Variants in KLHL5 observed in about 807,000 individuals in gnomAD.
The protein encoded by KLHL5 is kelch-like protein 5.
A neutral mutation model predicts 77.7 loss-of-function variants in KLHL5; 48 were observed. The observed-to-expected ratio is 0.62, with a 90% CI of 0.49 to 0.79. The LOEUF is 0.79. Ranked by LOEUF, KLHL5 falls within the 30% of genes least tolerant of loss-of-function variation. KLHL5 has a pLI of 0.00. For synonymous variants in KLHL5, 260 were observed against 297.0 expected (o/e 0.88, Z 1.28); for missense variants, 723 against 859.7 (o/e 0.84, Z 1.99).
At chr4:39,093,439 A>G (rs1720773352) in intron 5 of KLHL5, 2 of 455,992 alleles carry the variant, frequency 4.4e-6, no homozygotes, top group Non-Finnish European at 8.8e-6. Flanking sequence ...CAACTTGGTA[A>G]TTTACTACAA....
chr4:39,090,945 GAC>G (rs1720480039), intron 5 of KLHL5, among the ~76,000 whole-genome samples: 1 of 150,620 alleles, frequency 6.6e-6, no homozygotes, highest in South Asian at 2.1e-4. Context: ...TGGAACTACA[GAC>G]ACACACCACC....
chr4:39,080,523 C>G (rs1249513813), intron 2 of KLHL5, among the ~76,000 whole-genome samples: 1 of 129,650 alleles, frequency 7.7e-6, no homozygotes, highest in Non-Finnish European at 1.7e-5. Flanking sequence ...GAGACTGTCT[C>G]AAAAAAAAAA....
intron 1 of KLHL5, among the ~76,000 whole-genome samples, chr4:39,064,125 T>C (rs1201599736): frequency 6.6e-6 from 1 of 152,148 alleles, no homozygotes; most frequent in Admixed American, 6.5e-5. Flanking sequence ...AAGTGTCTCT[T>C]ACTTGAGGAT....
chr4:39,056,744 C>T (rs1560404172), intron 1 of KLHL5, among the ~76,000 whole-genome samples: 1 of 152,126 alleles, frequency 6.6e-6, no homozygotes, highest in Admixed American at 6.5e-5. Context: ...TGTCTAAAGC[C>T]TCACTCAATC....
chr4:39,058,502 A>C (rs1717155620), upstream of KLHL5, among the ~76,000 whole-genome samples: 3 of 151,988 alleles, frequency 2.0e-5, no homozygotes, highest in Admixed American at 6.6e-5. Flanking sequence ...CTGTAGTCCC[A>C]GTTACCTGGG....
intron 1 of KLHL5, among the ~76,000 whole-genome samples, chr4:39,049,433 C>A (rs987749195): frequency 3.9e-5 from 6 of 152,140 alleles, no homozygotes; most frequent in Admixed American, 6.6e-5. Flanking sequence ...ACTGTGCAGT[C>A]CCAGCACTTT....
intron 1 of KLHL5, among the ~76,000 whole-genome samples, chr4:39,074,331 ACTT>A (rs1718796994): frequency 6.6e-6 from 1 of 152,242 alleles, no homozygotes; most frequent in Non-Finnish European, 1.5e-5. Flanking sequence ...GGCACTGTTA[ACTT>A]CTAAAACAGA....
intron 5 of KLHL5, among the ~76,000 whole-genome samples, chr4:39,089,029 T>C (rs1053227078): frequency 6.6e-6 from 1 of 152,168 alleles, no homozygotes; most frequent in Non-Finnish European, 1.5e-5. Flanking sequence ...TTAATAGGAA[T>C]TTTATTTCAG....
At chr4:39,056,568 T>G (rs959906341) in intron 1 of KLHL5, among the ~76,000 whole-genome samples, 3 of 152,238 alleles carry the variant, frequency 2.0e-5, no homozygotes, top group African/African-American at 7.2e-5. Flanking sequence ...GCCATGTGTT[T>G]GTGGTATCGA....
chr4:39,122,477 C>T lies in KLHL5; in HGVS notation c.*1411C>T, dbSNP rs1310426151. 6.6e-6 allele frequency among the ~76,000 whole-genome samples: 1 copy of T among 152,048 alleles called. No individual in the cohort carries two copies. The highest frequency in any genetic ancestry group is 1.5e-5 in the Non-Finnish European group (1 of 68,010). Reference sequence around the variant, plus strand: ...TACAAAGACCTTCTCACTCAGCAGTCTTCACTCTTACTATTCCTGCCACTA... The same window carrying T: ...TACAAAGACCTTCTCACTCAGCAGTTTTCACTCTTACTATTCCTGCCACTA... On this transcript the variant is annotated 3_prime_UTR_variant, in exon 11 of 11. Transcript: ENST00000504108.
intron 1 of KLHL5, among the ~76,000 whole-genome samples, chr4:39,069,457 TATATATATATATATATACACAC>T (rs1408893985): frequency 0.025 from 983 of 39,308 alleles, 13 homozygotes; most frequent in African/African-American, 0.069. Context: ...TATATATATA[TATATATATATATATATACACAC>T]ACACACACAC....
At chr4:39,073,973 T>G (rs1157135678) in intron 1 of KLHL5, among the ~76,000 whole-genome samples, 1 of 152,052 alleles carries the variant, frequency 6.6e-6, no homozygotes, top group Admixed American at 6.6e-5. Flanking sequence ...TTATTATTCA[T>G]CAAAACCACC....
the KLHL5 span, among the ~76,000 whole-genome samples, chr4:39,135,802 G>A: frequency 2.0e-5 from 3 of 152,116 alleles, no homozygotes; most frequent in African/African-American, 7.2e-5. Context: ...TACTTGGGAG[G>A]CTGAGGCAGG....
At chr4:39,136,047 C>T in the KLHL5 span, among the ~76,000 whole-genome samples, 1 of 144,970 alleles carries the variant, frequency 6.9e-6, no homozygotes, top group African/African-American at 2.6e-5. Flanking sequence ...TGTGAGATCG[C>T]CACTATGTTC....
rs1054568271 is a variant in KLHL5 at position 39,121,305 on chromosome 4, G to A, written c.*239G>A. 22 of 533,908 alleles carry A rather than the reference G, an allele frequency of 4.1e-5. 1 individual carries two copies. The highest frequency in any genetic ancestry group is 1.7e-4 in the African/African-American group (9 of 52,682). The allele number at this position is 533,908 out of a possible 1,614,324, so 33.1% of individuals were successfully genotyped here. ...TGGTGGATTGTGATCACACATTCCC[G>A]AAGTAATAAGTGAGGACGAATGCAC... is the stretch of plus-strand genomic sequence containing the variant. On this transcript the variant is annotated 3_prime_UTR_variant, in exon 11 of 11. Coordinates refer to ENST00000504108, the MANE Select transcript of KLHL5 (RefSeq NM_015990.5).
chr4:39,102,359 A>G (rs1332604533), intron 6 of KLHL5, among the ~76,000 whole-genome samples: 3 of 149,936 alleles, frequency 2.0e-5, no homozygotes, highest in Non-Finnish European at 4.4e-5. Context: ...AAGAGAACAA[A>G]GGAGTCCTGG....
At chr4:39,142,836 A>T in the KLHL5 span, among the ~76,000 whole-genome samples, 1 of 152,206 alleles carries the variant, frequency 6.6e-6, no homozygotes, top group East Asian at 1.9e-4. Flanking sequence ...ACATAGTTCT[A>T]TTTATGTAAC....
the KLHL5 span, among the ~76,000 whole-genome samples, chr4:39,136,951 G>A: frequency 6.6e-6 from 1 of 152,148 alleles, no homozygotes; most frequent in Non-Finnish European, 1.5e-5. Flanking sequence ...GGCCGGAGTG[G>A]GTGTGGTAGC....
chr4:39,129,895 A>G (rs1449746729), downstream of KLHL5, among the ~76,000 whole-genome samples: 1 of 152,182 alleles, frequency 6.6e-6, no homozygotes, highest in Non-Finnish European at 1.5e-5. The surrounding 1 kb of genome is among the most constrained non-coding windows in gnomAD (Gnocchi z 4.2). Flanking sequence ...ATATCACATG[A>G]CTGTCTCCTG....
Sources: gnomAD v4.1 joint callset for allele counts (sites outside exome capture counted in the v4.1 genomes callset) on GRCh38, gnomAD v4.1.1 for gene constraint, Gnocchi (gnomAD v3.1) non-coding constraint, MANE v1.5 for transcripts, NCBI Gene and HGNC (gene_info 2026-07-23, HGNC 2026-07-21) for gene names.